Variants in ABCA12 observed in about 807,000 individuals in gnomAD.
ABCA12 encodes the protein ATP binding cassette subfamily A member 12, also known as glucosylceramide transporter ABCA12.
Under a neutral mutation model 293.5 loss-of-function variants are expected in ABCA12, and 156 were observed. The ratio of observed to expected loss-of-function variants is 0.53; its 90% CI spans 0.47 to 0.61. The LOEUF (loss-of-function observed/expected upper bound fraction) is 0.61, where lower values mean the gene tolerates loss of function less well. Ranked by LOEUF, ABCA12 falls within the 20% of genes least tolerant of loss-of-function variation. ABCA12 has a pLI of 0.00. For synonymous variants in ABCA12, 1,063 were observed against 1,108.0 expected (o/e 0.96, Z 0.81); for missense variants, 2,797 against 3,090.2 (o/e 0.91, Z 2.25).
chr2:215,060,253 A>G (rs918120172), intron 3 of ABCA12, among the ~76,000 whole-genome samples: 5 of 152,034 alleles, frequency 3.3e-5, no homozygotes, highest in Non-Finnish European at 5.9e-5. Context: ...GTAAGTTTAT[A>G]TAGGGCAAGG....
intron 49 of ABCA12, among the ~76,000 whole-genome samples, chr2:214,943,674 C>A (rs2105918434): frequency 6.6e-6 from 1 of 152,224 alleles, no homozygotes; most frequent in South Asian, 2.1e-4. Flanking sequence ...TAACACTAAG[C>A]TTTTTCCATT....
At chr2:214,980,675 G>A (rs535433648) in intron 30 of ABCA12, 32 bp from the exon 31 acceptor site, 5 of 1,613,510 alleles carry the variant, frequency 3.1e-6, no homozygotes, top group Admixed American at 3.3e-5. Flanking sequence ...AACAGGGAAT[G>A]AAACGTGAAA....
intron 8 of ABCA12, among the ~76,000 whole-genome samples, chr2:215,036,357 A>C (rs1459797929): frequency 2.6e-5 from 4 of 152,236 alleles, no homozygotes; most frequent in African/African-American, 9.6e-5. Flanking sequence ...TGACAAACTC[A>C]GCTGAGAAAG....
intron 2 of ABCA12, among the ~76,000 whole-genome samples, chr2:215,098,729 C>T (rs369764196): frequency 2.6e-5 from 4 of 152,142 alleles, no homozygotes; most frequent in Non-Finnish European, 5.9e-5. Flanking sequence ...GAAGTAAGAA[C>T]AAATTAAATC....
Position 215,050,785 on chromosome 2 carries a change from T to A in ABCA12, c.508-974A>T, listed in dbSNP as rs575765857. 10 of 985,190 alleles carry A rather than the reference T, an allele frequency of 1.0e-5. No homozygotes were observed. The East Asian group carries it at 1.1e-3, about 112-fold the overall frequency. The allele number at this position is 985,190 out of a possible 1,614,324, so 61.0% of individuals were successfully genotyped here. On this transcript the variant is annotated intron_variant, in intron 5 of 52. Transcript: ENST00000272895. Reference sequence around the variant, plus strand: ...CGTATCTCTCTTCTAACATTCCACATAAACTCACCCAAAAATGATTTCTCT... The same window carrying A: ...CGTATCTCTCTTCTAACATTCCACAAAAACTCACCCAAAAATGATTTCTCT...
intron 33 of ABCA12, among the ~76,000 whole-genome samples, chr2:214,976,702 A>T (rs1699524961): frequency 6.6e-6 from 1 of 151,838 alleles, no homozygotes; most frequent in African/African-American, 2.4e-5. Flanking sequence ...AGAGTTATTA[A>T]AAAAAAAGAA....
chr2:215,137,994 T>C (rs751641104), intron 1 of ABCA12, 146 bp downstream of exon 1: 23 of 857,724 alleles, frequency 2.7e-5, no homozygotes, highest in Non-Finnish European at 4.6e-5. Context: ...ATAAGACAGA[T>C]AGGGGGATGA....
chr2:215,099,730 G>A (rs947036761), intron 2 of ABCA12, among the ~76,000 whole-genome samples: 3 of 151,728 alleles, frequency 2.0e-5, no homozygotes, highest in Admixed American at 6.6e-5. Flanking sequence ...CTGGAAAATG[G>A]AGGATGATAA....
Position 215,041,506 on chromosome 2 carries a change from C to T in ABCA12, c.872+4331G>A, listed in dbSNP as rs574161182. On this transcript the variant is annotated intron_variant, in intron 7 of 52. Transcript: ENST00000272895. ...GGCAGAGGTTGCAGTGAGCCAAGAT[C>T]GTGCCACTGCACTCCAGCCTGGGCG... Among the ~76,000 whole-genome samples, 16 of 148,656 alleles carry T rather than the reference C, an allele frequency of 1.1e-4. No individual in the cohort carries two copies. The East Asian group carries it at 2.0e-3, about 18-fold the overall frequency.
Position 214,990,992 on chromosome 2 carries a change from A to G in ABCA12, c.3334T>C (p.Phe1112Leu). The change falls in exon 24 of 53, where the codon TTT (phenylalanine) becomes CTT (leucine). Residue 1112 changes from phenylalanine to leucine, a missense_variant. Phe to Leu is a conservative substitution (Grantham distance 22). Around this residue, in one of 3 missense-constraint regions of ABCA12, gnomAD observed 2,130 missense variants for 2,427.0 expected, o/e 0.88. Transcript: ENST00000272895. ...CCAACACTCTCTATAAGCCAGGCAA[A>G]GAAATGGCTGCAGGAGTTCACACCC... is the stretch of plus-strand genomic sequence containing the variant. ...MMGVNSCSHFFAWLIESVGFL... is the reference protein window; with the variant it reads ...MMGVNSCSHFLAWLIESVGFL... The G allele has an allele frequency of 1.2e-6, 2 of 1,614,062 alleles. No homozygotes were observed. The highest frequency in any genetic ancestry group is 1.7e-6 in the Non-Finnish European group (2 of 1,179,992).
chr2:215,097,837 T>C (rs866891007), intron 2 of ABCA12, among the ~76,000 whole-genome samples: 3 of 152,342 alleles, frequency 2.0e-5, no homozygotes, highest in African/African-American at 7.2e-5. Flanking sequence ...CTGGATTATA[T>C]ATTTAATGCC....
chr2:215,089,482 C>T (rs974162469), intron 2 of ABCA12, among the ~76,000 whole-genome samples: 1 of 152,220 alleles, frequency 6.6e-6, no homozygotes, highest in African/African-American at 2.4e-5. Context: ...ACCATTTTCT[C>T]ATCAATTTAC....
chr2:214,942,841 T>C (rs1698450158), intron 50 of ABCA12, 84 bp downstream of exon 50: 2 of 1,182,366 alleles, frequency 1.7e-6, no homozygotes, highest in Non-Finnish European at 2.5e-6. Flanking sequence ...CTACTTAGGC[T>C]GCTGAGATAA....
chr2:214,949,387 C>T (rs1301590567), intron 45 of ABCA12, among the ~76,000 whole-genome samples: 1 of 151,438 alleles, frequency 6.6e-6, no homozygotes, highest in South Asian at 2.1e-4. Flanking sequence ...TACACACACA[C>T]ACACACACAC....
At chr2:214,971,667 G>T (rs1315242384) in intron 36 of ABCA12, among the ~76,000 whole-genome samples, 1 of 152,016 alleles carries the variant, frequency 6.6e-6, no homozygotes, top group Non-Finnish European at 1.5e-5. Flanking sequence ...TATGGTGGTC[G>T]ATCAATCATT....
intron 2 of ABCA12, among the ~76,000 whole-genome samples, chr2:215,079,043 T>C (rs1317343563): frequency 6.6e-6 from 1 of 152,216 alleles, no homozygotes; most frequent in Non-Finnish European, 1.5e-5. Context: ...GAACCTTCAG[T>C]AGCCCCTTCT....
chr2:214,958,145 C>A, intron 41 of ABCA12, 132 bp downstream of exon 41: 3 of 1,254,550 alleles, frequency 2.4e-6, no homozygotes, highest in Non-Finnish European at 2.3e-6. Flanking sequence ...TGACTCAAGT[C>A]ATTTTCTTTA....
chr2:214,982,396 T>A lies in ABCA12; in HGVS notation c.4383-13A>T. The A allele has an allele frequency of 6.2e-7, 1 of 1,603,652 alleles. No individual in the cohort carries two copies. The highest frequency in any genetic ancestry group is 8.5e-7 in the Non-Finnish European group (1 of 1,171,088). On this transcript the variant is annotated splice_polypyrimidine_tract_variant and intron_variant, in intron 29 of 52. Coordinates refer to ENST00000272895, the MANE Select transcript of ABCA12 (RefSeq NM_173076.3). ...ATCTTTTAAAGTCCTTCAAAAATAATGTATGATGGTTATTTTTTTACAGAT... is the reference window on the plus strand; with the variant it reads ...ATCTTTTAAAGTCCTTCAAAAATAAAGTATGATGGTTATTTTTTTACAGAT...
chr2:214,971,933 C>T (rs565556909), intron 36 of ABCA12, among the ~76,000 whole-genome samples: 9 of 152,232 alleles, frequency 5.9e-5, no homozygotes, highest in African/African-American at 1.2e-4. Context: ...TTTTCCTCTT[C>T]TTCATTTTAG....
Sources: gnomAD v4.1 joint callset for allele counts (sites outside exome capture counted in the v4.1 genomes callset) on GRCh38, gnomAD v4.1.1 for gene constraint, gnomAD v4.1.1 regional missense constraint, MANE v1.5 for transcripts, NCBI Gene and HGNC (gene_info 2026-07-23, HGNC 2026-07-21) for gene names.